The following IL19 variants were observed in gnomAD, a reference collection of about 807,000 sequenced individuals.
IL19 encodes interleukin-19.
In IL19, 15 loss-of-function variants were observed where a neutral mutation model predicts 19.5. The ratio of observed to expected loss-of-function variants is 0.77; its 90% confidence interval spans 0.52 to 1.19. The LOEUF (loss-of-function observed/expected upper bound fraction) is 1.19, where lower values mean the gene tolerates loss of function less well. IL19 is among the 50% of genes most tolerant of loss of function. The pLI, the probability that IL19 is intolerant of heterozygous loss-of-function variation, is 0.00. For missense variants in IL19, 199 were observed against 213.1 expected (o/e 0.93, Z 0.41); for synonymous variants, 78 against 78.3 (o/e 1.00, Z 0.02).
chr1:206,780,989 T>G (rs930288904), intron 1 of IL19, among the ~76,000 whole-genome samples: 1 of 152,140 alleles, frequency 6.6e-6, no homozygotes, highest in African/African-American at 2.4e-5. Flanking sequence ...GCTTAGATAT[T>G]TTTGTCTTAG....
chr1:206,826,731 G>A (rs1185126860), intron 2 of IL19, among the ~76,000 whole-genome samples: 1 of 152,220 alleles, frequency 6.6e-6, no homozygotes, highest in Admixed American at 6.5e-5. Context: ...CACAGAATTA[G>A]AGTTCCTCCT....
At chr1:206,791,451 G>A (rs1016690689) in intron 1 of IL19, among the ~76,000 whole-genome samples, 3 of 151,952 alleles carry the variant, frequency 2.0e-5, no homozygotes, top group African/African-American at 4.8e-5. Context: ...CACAGGCGCC[G>A]GCCATCATGC....
At chr1:206,834,412 G>T in intron 2 of IL19, 1 of 985,618 alleles carries the variant, frequency 1.0e-6, no homozygotes, top group Middle Eastern at 5.2e-4. Context: ...TGAGGCTCAC[G>T]CTGTCCGTCA....
At chr1:206,774,582 C>T (rs1327255862) in intron 1 of IL19, among the ~76,000 whole-genome samples, 2 of 152,214 alleles carry the variant, frequency 1.3e-5, no homozygotes, top group Admixed American at 1.3e-4. Flanking sequence ...AGGCTGTGAA[C>T]CCCTCCTTCC....
At chr1:206,814,532 AAC>A (rs1676097943) in intron 2 of IL19, among the ~76,000 whole-genome samples, 3 of 149,796 alleles carry the variant, frequency 2.0e-5, no homozygotes. Flanking sequence ...CTCTACTAAA[AAC>A]ACACAAAAAA....
intron 1 of IL19, among the ~76,000 whole-genome samples, chr1:206,785,794 G>A (rs1176554526): frequency 2.0e-5 from 3 of 152,178 alleles, no homozygotes; most frequent in African/African-American, 7.2e-5. Flanking sequence ...ACTAAGTTTG[G>A]TCCTATTTAT....
chr1:206,819,182 C>T (rs1002115861), intron 2 of IL19, among the ~76,000 whole-genome samples: 1 of 152,120 alleles, frequency 6.6e-6, no homozygotes, highest in African/African-American at 2.4e-5. Flanking sequence ...CTCAAGCAAT[C>T]CTCCTGTCTC....
At chr1:206,772,915 C>T (rs955485704) in intron 1 of IL19, among the ~76,000 whole-genome samples, 1 of 152,162 alleles carries the variant, frequency 6.6e-6, no homozygotes, top group Non-Finnish European at 1.5e-5. Context: ...GGGATGAATA[C>T]CCAAGACTTC....
intron 6 of IL19, among the ~76,000 whole-genome samples, chr1:206,841,804 A>G (rs1349589869): frequency 1.3e-5 from 2 of 152,222 alleles, no homozygotes; most frequent in Non-Finnish European, 2.9e-5. Context: ...AACAAGTATT[A>G]ACACACATTC....
intron 1 of IL19, chr1:206,772,503 A>C (rs1674883534): frequency 7.1e-7 from 1 of 1,416,842 alleles, no homozygotes; most frequent in African/African-American, 1.4e-5. Context: ...GTAGACCTTC[A>C]CCTCTCTGTC....
intron 1 of IL19, among the ~76,000 whole-genome samples, chr1:206,797,798 G>T (rs376702368): frequency 2.0e-5 from 3 of 152,298 alleles, no homozygotes; most frequent in South Asian, 4.1e-4. Context: ...AAGGTGTCGT[G>T]GTTGGCAGGA....
intron 1 of IL19, among the ~76,000 whole-genome samples, chr1:206,781,721 G>C (rs1203262753): frequency 6.6e-6 from 1 of 151,500 alleles, no homozygotes; most frequent in Non-Finnish European, 1.5e-5. Flanking sequence ...GTGGGTGCGA[G>C]CAACTGCGTC....
At chr1:206,773,766 C>G (rs763959906) in intron 1 of IL19, among the ~76,000 whole-genome samples, 13 of 152,152 alleles carry the variant, frequency 8.5e-5, no homozygotes, top group Non-Finnish European at 1.8e-4. Context: ...CTTCACCTTC[C>G]CCTTCCACAG....
intron 2 of IL19, among the ~76,000 whole-genome samples, chr1:206,831,059 A>C (rs1676593561): frequency 6.6e-6 from 1 of 152,208 alleles, no homozygotes; most frequent in South Asian, 2.1e-4. Flanking sequence ...CACAGAAGGC[A>C]ATAGGCATGG....
At chr1:206,832,683 C>T (rs1676649103) in intron 2 of IL19, among the ~76,000 whole-genome samples, 1 of 152,096 alleles carries the variant, frequency 6.6e-6, no homozygotes, top group East Asian at 1.9e-4. Flanking sequence ...ACAGAAAAAT[C>T]CAAGTTAGGT....
At chr1:206,804,470 G>T (rs543177233) in intron 2 of IL19, among the ~76,000 whole-genome samples, 1 of 152,148 alleles carries the variant, frequency 6.6e-6, no homozygotes, top group Non-Finnish European at 1.5e-5. Context: ...AATAATTTAG[G>T]TAATGAGAAG....
chr1:206,783,317 G>A (rs990402431), intron 1 of IL19, among the ~76,000 whole-genome samples: 6 of 152,060 alleles, frequency 3.9e-5, no homozygotes, highest in African/African-American at 1.4e-4. Flanking sequence ...GGCCCAACAA[G>A]GTTCTGATAC....
chr1:206,813,402 G>A (rs979473764), intron 2 of IL19, among the ~76,000 whole-genome samples: 1 of 152,074 alleles, frequency 6.6e-6, no homozygotes, highest in Non-Finnish European at 1.5e-5. Context: ...GCTAAATCTA[G>A]TTTTCAGTTT....
intron 2 of IL19, among the ~76,000 whole-genome samples, chr1:206,803,566 C>T (rs965173676): frequency 6.6e-6 from 1 of 152,120 alleles, no homozygotes; most frequent in Non-Finnish European, 1.5e-5. Context: ...TAAAGAGGCC[C>T]AGACACAGGC....
Sources: allele counts gnomAD v4.1 joint callset (sites outside exome capture counted in the v4.1 genomes callset), GRCh38; gene constraint gnomAD v4.1.1; transcripts MANE v1.5; gene names NCBI Gene and HGNC (gene_info 2026-07-23, HGNC 2026-07-21).